SPAG16: variants seen among roughly 807,000 people sequenced by gnomAD.
SPAG16 encodes sperm-associated antigen 16 protein.
In SPAG16, 86 loss-of-function variants were observed where a neutral mutation model predicts 80.4. The ratio of observed to expected loss-of-function variants is 1.07; its 90% CI spans 0.90 to 1.28. SPAG16 has a LOEUF of 1.28. SPAG16 is among the 50% of genes most tolerant of loss of function. The probability of loss-of-function intolerance (pLI) is 0.00; values close to 1 mark genes in which losing one functional copy is unlikely to be tolerated. For missense variants in SPAG16, 870 were observed against 765.3 expected, an observed-to-expected ratio of 1.14 and a Z score of -1.61; for synonymous variants, 294 against 265.9, an observed-to-expected ratio of 1.11 and a Z score of -1.03.
At chr2:214,130,669 T>C (rs1219862159) in intron 14 of SPAG16, among the ~76,000 whole-genome samples, 1 of 152,220 alleles carries the variant, frequency 6.6e-6, no homozygotes, top group African/African-American at 2.4e-5. Context: ...AAGATATTGC[T>C]GCAATGTGAC....
intron 10 of SPAG16, among the ~76,000 whole-genome samples, chr2:213,739,562 A>G (rs192374707): frequency 6.6e-6 from 1 of 152,312 alleles, no homozygotes; most frequent in Admixed American, 6.5e-5. Flanking sequence ...AATTGTTTTG[A>G]CACTAAATTA....
intron 13 of SPAG16, among the ~76,000 whole-genome samples, chr2:214,032,575 T>A (rs1392272095): frequency 6.6e-6 from 1 of 152,162 alleles, no homozygotes; most frequent in Non-Finnish European, 1.5e-5. Context: ...TTCTGACATC[T>A]AGAATAAAGT....
At chr2:213,871,905 A>G (rs1299716467) in intron 11 of SPAG16, among the ~76,000 whole-genome samples, 1 of 149,566 alleles carries the variant, frequency 6.7e-6, no homozygotes, top group Non-Finnish European at 1.5e-5. Flanking sequence ...GAGAGCAAAC[A>G]GCAGTAAAAA....
At chr2:214,331,985 C>T (rs1330624413) in intron 15 of SPAG16, among the ~76,000 whole-genome samples, 1 of 152,220 alleles carries the variant, frequency 6.6e-6, no homozygotes, top group Non-Finnish European at 1.5e-5. Flanking sequence ...GGCACAGTGG[C>T]TCATGCCTTT....
intron 10 of SPAG16, among the ~76,000 whole-genome samples, chr2:213,763,259 TC>T (rs1178830911): frequency 6.6e-6 from 1 of 152,208 alleles, no homozygotes; most frequent in African/African-American, 2.4e-5. Context: ...TATCATCTGA[TC>T]CAGCAGTCCC....
intron 15 of SPAG16, among the ~76,000 whole-genome samples, chr2:214,247,402 C>G (rs1426915208): frequency 6.6e-6 from 1 of 151,882 alleles, no homozygotes; most frequent in East Asian, 1.9e-4. Flanking sequence ...TGTTAGGAGC[C>G]TCTCAAGGGA....
intron 10 of SPAG16, among the ~76,000 whole-genome samples, chr2:213,643,169 CTTTA>C (rs1189225774): frequency 6.7e-6 from 1 of 150,182 alleles, no homozygotes; most frequent in African/African-American, 2.4e-5. Context: ...CTGGGGAAGT[CTTTA>C]TTTCTCTATG....
chr2:213,495,103 AGTTTATGT>A (rs2074423538), intron 10 of SPAG16, among the ~76,000 whole-genome samples: 1 of 152,064 alleles, frequency 6.6e-6, no homozygotes, highest in Non-Finnish European at 1.5e-5. Context: ...GTGTTTTCCT[AGTTTATGT>A]GTGGCAGAGA....
rs1428367512 is a variant in SPAG16 at position 213,284,468 on chromosome 2, G to C, written c.-16G>C. ...GGCTGTGGGCCTGCTGGGGGTGGGG[G>C]CCCGAAGCGCCAGAGATGGCTGCTC... is the stretch of plus-strand genomic sequence containing the variant. On this transcript the variant is annotated 5_prime_UTR_variant, in exon 1 of 16. Coordinates refer to ENST00000331683, the MANE Select transcript of SPAG16 (RefSeq NM_024532.5). The C allele has an allele frequency of 6.4e-7, 1 of 1,555,748 alleles. No individual in the cohort carries two copies. The highest frequency in any genetic ancestry group is 8.7e-7 in the Non-Finnish European group (1 of 1,150,824).
intron 10 of SPAG16, among the ~76,000 whole-genome samples, chr2:213,540,343 C>T (rs1334240242): frequency 1.3e-5 from 2 of 152,098 alleles, no homozygotes; most frequent in Admixed American, 6.5e-5. Flanking sequence ...AGCCACCATG[C>T]CCGGCCCAAA....
At chr2:214,153,393 AC>A (rs1294682104) in intron 15 of SPAG16, among the ~76,000 whole-genome samples, 1 of 152,182 alleles carries the variant, frequency 6.6e-6, no homozygotes. Flanking sequence ...ATTGCTACAA[AC>A]TAATGATTAT....
At chr2:213,859,993 T>TTGATGATGATGATA (rs2075351793) in intron 10 of SPAG16, among the ~76,000 whole-genome samples, 1 of 150,556 alleles carries the variant, frequency 6.6e-6, no homozygotes, top group Non-Finnish European at 1.5e-5. Context: ...TTACCATTAG[T>TTGATGATGATGATA]TGATGATGAT....
chr2:214,127,799 T>C (rs1163290813), intron 14 of SPAG16, among the ~76,000 whole-genome samples: 1 of 151,900 alleles, frequency 6.6e-6, no homozygotes, highest in African/African-American at 2.4e-5. Flanking sequence ...GTCTGGGTGA[T>C]ACTTAATGAA....
chr2:213,572,875 C>CT (rs2059969192), intron 10 of SPAG16, among the ~76,000 whole-genome samples: 1 of 152,180 alleles, frequency 6.6e-6, no homozygotes, highest in African/African-American at 2.4e-5. Context: ...GACTGCTGTG[C>CT]TAGCAATCAG....
In SPAG16 at chr2:213,935,475, C is replaced by G. The variant is rs564675940; in HGVS notation, c.1400+5330C>G. 2.6e-5 allele frequency among the ~76,000 whole-genome samples: 4 copies of G among 152,252 alleles called. 1 individual carries two copies. The South Asian group carries it at 8.3e-4, about 32-fold the overall frequency. On this transcript the variant is annotated intron_variant, in intron 12 of 15. Coordinates refer to ENST00000331683, the MANE Select transcript of SPAG16 (RefSeq NM_024532.5). ...TTTCTTCCCTTGCCCCTTCTTTCTT[C>G]CCATCTTTATTGTCTATCGCAATGC...
chr2:214,295,988 A>G (rs1445923318), intron 15 of SPAG16, among the ~76,000 whole-genome samples: 1 of 152,158 alleles, frequency 6.6e-6, no homozygotes, highest in Admixed American at 6.5e-5. Context: ...TTTCTAGTAT[A>G]CCAATCACCC....
intron 9 of SPAG16, among the ~76,000 whole-genome samples, chr2:213,400,185 A>C (rs1004549747): frequency 6.6e-6 from 1 of 151,990 alleles, no homozygotes; most frequent in African/African-American, 2.4e-5. Flanking sequence ...TCTTCTGCCT[A>C]TAGTCTTTGA....
At chr2:213,546,324 A>G (rs976961652) in intron 10 of SPAG16, among the ~76,000 whole-genome samples, 5 of 151,850 alleles carry the variant, frequency 3.3e-5, no homozygotes, top group African/African-American at 1.2e-4. Flanking sequence ...CCTTTTTTTT[A>G]GCAAGCATAG....
At chr2:213,746,911 T>G (rs2067850974) in intron 10 of SPAG16, among the ~76,000 whole-genome samples, 2 of 152,252 alleles carry the variant, frequency 1.3e-5, no homozygotes, top group Non-Finnish European at 2.9e-5. Flanking sequence ...TTTACTGTAC[T>G]TTTTATCATT....
Sources: gnomAD v4.1 joint callset for allele counts (sites outside exome capture counted in the v4.1 genomes callset) on GRCh38, gnomAD v4.1.1 for gene constraint, MANE v1.5 for transcripts, NCBI Gene and HGNC (gene_info 2026-07-23, HGNC 2026-07-21) for gene names.